DNAJC17: variants seen among roughly 807,000 people sequenced by gnomAD.
DNAJC17 encodes the protein DnaJ heat shock protein family (Hsp40) member C17, also known as dnaJ homolog subfamily C member 17.
DNAJC17 carries 35 observed loss-of-function variants against 48.1 expected under a neutral mutation model. That is an observed-to-expected ratio of 0.73 (90% CI 0.56 to 0.96). The LOEUF (loss-of-function observed/expected upper bound fraction) is 0.96, where lower values mean the gene tolerates loss of function less well. Among genes scored for constraint, DNAJC17 ranks in the 50% least tolerant of loss-of-function variants. The probability of loss-of-function intolerance (pLI) is 0.00; values close to 1 mark genes in which losing one functional copy is unlikely to be tolerated. For synonymous variants in DNAJC17, 117 were observed against 142.7 expected (o/e 0.82, Z 1.28); for missense variants, 355 against 377.1 (o/e 0.94, Z 0.48).
At chr15:40,795,056 T>C (rs1219491848) in intron 1 of DNAJC17, among the ~76,000 whole-genome samples, 3 of 152,020 alleles carry the variant, frequency 2.0e-5, no homozygotes, top group Non-Finnish European at 4.4e-5. Context: ...TGCTCCTCTC[T>C]GGAAAAACTG....
Position 40,767,196 on chromosome 15 carries a change from C to G in DNAJC17, c.*744G>C. 6.8e-7 allele frequency: 1 copy of G among 1,465,674 alleles called. No homozygotes were observed. The highest frequency in any genetic ancestry group is 9.0e-7 in the Non-Finnish European group (1 of 1,106,534). The allele number at this position is 1,465,674 out of a possible 1,614,324, so 90.8% of individuals were successfully genotyped here. ...TACCAGGAGCTTGCTGTGTGCCCCT[C>G]CTCACCCCCCCCATCCTGTCTCTTT... On this transcript the variant is annotated 3_prime_UTR_variant, in exon 11 of 11. Transcript: ENST00000220496.
At chr15:40,798,631 G>A (rs144657767) in intron 1 of DNAJC17, among the ~76,000 whole-genome samples, 11 of 152,282 alleles carry the variant, frequency 7.2e-5, no homozygotes, top group African/African-American at 2.4e-4. Context: ...AGTAAGGGCC[G>A]CGTGGGCCAG....
intron 1 of DNAJC17, among the ~76,000 whole-genome samples, chr15:40,802,693 G>A (rs1890104683): frequency 6.6e-6 from 1 of 152,060 alleles, no homozygotes; most frequent in Non-Finnish European, 1.5e-5. Flanking sequence ...GGGCATCAGG[G>A]CATCAGGGTT....
intron 1 of DNAJC17, among the ~76,000 whole-genome samples, chr15:40,799,768 C>T (rs1890031107): frequency 6.6e-6 from 1 of 152,164 alleles, no homozygotes; most frequent in African/African-American, 2.4e-5. Context: ...ACCATACCAT[C>T]TTAACATTAT....
Position 40,807,462 on chromosome 15 carries a change from G to C in DNAJC17, c.-16C>G. ...TCACTGCCATGGTTCCGGCCTGACG[G>C]ATTCGTACTACAACTCCCAAGAGTC... On this transcript the variant is annotated 5_prime_UTR_variant, in exon 1 of 11. In the 5' UTR this introduces an upstream ATG that the reference lacks. Coordinates refer to ENST00000220496, the MANE Select transcript of DNAJC17 (RefSeq NM_018163.3). The C allele has an allele frequency of 6.2e-7, 1 of 1,614,156 alleles. No individual in the cohort carries two copies. Among genetic ancestry groups the C allele is most frequent in the Non-Finnish European group, 8.5e-7 (1 of 1,179,974 alleles).
At chr15:40,787,872 T>C (rs960525238) in intron 1 of DNAJC17, among the ~76,000 whole-genome samples, 4 of 152,200 alleles carry the variant, frequency 2.6e-5, no homozygotes, top group African/African-American at 9.7e-5. Flanking sequence ...ATCATTAACT[T>C]AAAAGAAAGG....
chr15:40,791,956 T>C (rs1344837978), intron 1 of DNAJC17, among the ~76,000 whole-genome samples: 1 of 152,130 alleles, frequency 6.6e-6, no homozygotes, highest in Non-Finnish European at 1.5e-5. Context: ...AGACAGCAGA[T>C]TACATCAGGC....
At chr15:40,791,848 A>AAAAAC (rs933015424) in intron 1 of DNAJC17, among the ~76,000 whole-genome samples, 18 of 152,208 alleles carry the variant, frequency 1.2e-4, no homozygotes, top group Non-Finnish European at 2.4e-4. Flanking sequence ...TCCATCTGAA[A>AAAAAC]AAAACAAAAC....
At chr15:40,798,947 C>T (rs923983033) in intron 1 of DNAJC17, among the ~76,000 whole-genome samples, 3 of 152,088 alleles carry the variant, frequency 2.0e-5, no homozygotes, top group African/African-American at 7.2e-5. Context: ...TGGCTGGGCG[C>T]GGTGGCTCAC....
intron 1 of DNAJC17, among the ~76,000 whole-genome samples, chr15:40,788,803 T>C (rs1459554949): frequency 1.3e-5 from 2 of 151,924 alleles, no homozygotes; most frequent in Non-Finnish European, 2.9e-5. Flanking sequence ...AGTCCACGAG[T>C]TTGAGGCTGC....
At position 40,767,501 on chromosome 15, in the gene DNAJC17, C is replaced by T. The variant is rs1407854754; in HGVS notation, c.*439G>A. On this transcript the variant is annotated 3_prime_UTR_variant, in exon 11 of 11. Coordinates refer to ENST00000220496, the MANE Select transcript of DNAJC17 (RefSeq NM_018163.3). ...GCCCCAAAGGGCAGTGAATGGCCTT[C>T]TCTGAAACCCTGCGTCAAGCAGTGG... 8.2e-6 allele frequency: 7 copies of T among 856,942 alleles called. No homozygotes were observed. Among genetic ancestry groups the T allele is most frequent in the African/African-American group, 1.8e-5 (1 of 56,406 alleles). The allele number at this position is 856,942 out of a possible 1,614,324, so 53.1% of individuals were successfully genotyped here.
intron 1 of DNAJC17, among the ~76,000 whole-genome samples, chr15:40,781,424 C>G (rs1566824836): frequency 1.3e-5 from 2 of 150,574 alleles, no homozygotes. Flanking sequence ...CACTTGAGCC[C>G]CAGAGGCGGA....
At chr15:40,773,680 G>A in intron 10 of DNAJC17, 47 bp downstream of exon 10, 1 of 1,483,180 alleles carries the variant, frequency 6.7e-7, no homozygotes, top group Non-Finnish European at 9.3e-7. Flanking sequence ...CAGGTAGGAA[G>A]AGCTCCGAGA....
intron 10 of DNAJC17, chr15:40,771,100 C>T (rs1889126603): frequency 7.4e-7 from 1 of 1,357,180 alleles, no homozygotes; most frequent in Non-Finnish European, 1.0e-6. Context: ...AGGGACAGGA[C>T]TCCAGGCCCA....
rs1888944469 is a variant in DNAJC17 at position 40,766,156 on chromosome 15, CAG to C, written c.*1782_*1783del. The C allele has an allele frequency of 5.5e-6, 2 of 361,084 alleles. No homozygotes were observed. The highest frequency in any genetic ancestry group is 1.0e-5 in the Non-Finnish European group (2 of 198,138). 22.4% of individuals were successfully genotyped at this position (361,084 alleles called of 1,614,324 possible). ...CACATCCTTACTGGAACCGCAGAAACAGAGTCCGTTCCCTGGGTCTAGGACTC... is the reference window on the plus strand; with the variant it reads ...CACATCCTTACTGGAACCGCAGAAACAGTCCGTTCCCTGGGTCTAGGACTC... On this transcript the variant is annotated 3_prime_UTR_variant, in exon 11 of 11. Coordinates refer to ENST00000220496, the MANE Select transcript of DNAJC17 (RefSeq NM_018163.3).
chr15:40,780,010 G>T lies in DNAJC17; in HGVS notation c.79-13C>A, dbSNP rs1244675693. 1 of 1,613,230 alleles carries T rather than the reference G, an allele frequency of 6.2e-7. No homozygotes were observed. The highest frequency in any genetic ancestry group is 1.7e-5 in the Admixed American group (1 of 59,928). The stretch of plus-strand genomic sequence containing the variant: ...ACGCCTTCTTTACCTGGAAGAGTCA[G>T]ACAGAAGACATGGCCATTCACTCTC... On this transcript the variant is annotated splice_polypyrimidine_tract_variant and intron_variant, in intron 1 of 10. Coordinates refer to ENST00000220496, the MANE Select transcript of DNAJC17 (RefSeq NM_018163.3).
chr15:40,806,305 G>A (rs567006052), intron 1 of DNAJC17, among the ~76,000 whole-genome samples: 35 of 137,646 alleles, frequency 2.5e-4, no homozygotes, highest in African/African-American at 7.2e-4. Flanking sequence ...TGCAACCTCC[G>A]CCTCCCGGGT....
At chr15:40,771,233 GA>G in intron 10 of DNAJC17, 1 of 595,236 alleles carries the variant, frequency 1.7e-6, no homozygotes, top group Non-Finnish European at 3.0e-6. Flanking sequence ...AGAGTGGAGG[GA>G]CAGAGGCAAT....
rs889580873 is a variant in DNAJC17, at chr15:40,767,752, C to T, written c.*188G>A. 6.4e-6 allele frequency: 5 copies of T among 779,912 alleles called. No individual in the cohort carries two copies. Among genetic ancestry groups the T allele is most frequent in the Non-Finnish European group, 9.8e-6 (5 of 508,822 alleles). 48.3% of individuals were successfully genotyped at this position (779,912 alleles called of 1,614,324 possible). On this transcript the variant is annotated 3_prime_UTR_variant, in exon 11 of 11. Transcript: ENST00000220496. Reference sequence around the variant, plus strand: ...TTGTGCACGGACTCTGGGACTCTCACCCTGCGGAGCGTTTCCCTGGGGGTC... The same window carrying T: ...TTGTGCACGGACTCTGGGACTCTCATCCTGCGGAGCGTTTCCCTGGGGGTC...
Sources: gnomAD v4.1 joint callset for allele counts (sites outside exome capture counted in the v4.1 genomes callset) on GRCh38, gnomAD v4.1.1 for gene constraint, MANE v1.5 for transcripts, NCBI Gene and HGNC (gene_info 2026-07-23, HGNC 2026-07-21) for gene names.